Variants in TMEM132D observed in about 807,000 individuals in gnomAD.
TMEM132D encodes the protein mature OL transmembrane protein.
Under a neutral mutation model 62.3 loss-of-function variants are expected in TMEM132D, and 21 were observed. The observed-to-expected ratio is 0.34, with a 90% CI of 0.24 to 0.49. The LOEUF is 0.49. Ranked by LOEUF, TMEM132D falls within the 20% of genes least tolerant of loss-of-function variation. The pLI, the probability that TMEM132D is intolerant of heterozygous loss-of-function variation, is 0.99. For synonymous variants in TMEM132D, 621 were observed against 575.6 expected (o/e 1.08, Z -1.13); for missense variants, 1,346 against 1,402.8 (o/e 0.96, Z 0.65).
intron 2 of TMEM132D, among the ~76,000 whole-genome samples, chr12:129,638,591 T>TAA (rs375570258): frequency 0.03 from 1,320 of 44,532 alleles, 50 homozygotes; most frequent in South Asian, 0.25. Flanking sequence ...TATAAATATA[T>TAA]ATTTTTATAT....
At chr12:129,486,384 C>T (rs977800222) in intron 3 of TMEM132D, among the ~76,000 whole-genome samples, 31 of 152,120 alleles carry the variant, frequency 2.0e-4, no homozygotes, top group Admixed American at 1.6e-3. Flanking sequence ...GGCAGAGACC[C>T]GGTTATGTAC....
chr12:129,785,351 T>C (rs972834618), intron 1 of TMEM132D, among the ~76,000 whole-genome samples: 4 of 152,200 alleles, frequency 2.6e-5, no homozygotes, highest in Non-Finnish European at 5.9e-5. Flanking sequence ...GGGTTTGATG[T>C]TTGCATTTGT....
chr12:129,841,446 T>C (rs1021997530), intron 1 of TMEM132D, among the ~76,000 whole-genome samples: 7 of 152,204 alleles, frequency 4.6e-5, no homozygotes, highest in African/African-American at 1.7e-4. Context: ...AATCAACCCT[T>C]GGTCCCAGGG....
At chr12:129,640,165 C>G (rs1306624565) in intron 2 of TMEM132D, among the ~76,000 whole-genome samples, 1 of 152,136 alleles carries the variant, frequency 6.6e-6, no homozygotes, top group African/African-American at 2.4e-5. Context: ...TTCTCCTTCA[C>G]TTGCTTCAGG....
intron 1 of TMEM132D, among the ~76,000 whole-genome samples, chr12:129,737,476 T>C (rs985207800): frequency 7.2e-5 from 11 of 152,212 alleles, no homozygotes; most frequent in Non-Finnish European, 1.3e-4. Context: ...CAGGCTTGCA[T>C]TCCACTGCTG....
chr12:129,406,403 G>A (rs1566059154), intron 3 of TMEM132D, among the ~76,000 whole-genome samples: 1 of 152,148 alleles, frequency 6.6e-6, no homozygotes. Flanking sequence ...CGTGGATCAC[G>A]AGGTCAGGAG....
At position 129,832,929 on chromosome 12, in the gene TMEM132D, T is replaced by G. The variant is rs189527981; in HGVS notation, c.79+70332A>C. Among the ~76,000 whole-genome samples, 5 of 152,262 alleles carry G rather than the reference T, an allele frequency of 3.3e-5. No individual in the cohort carries two copies. The East Asian group carries it at 9.6e-4, about 29-fold the overall frequency. On this transcript the variant is annotated intron_variant, in intron 1 of 8. Transcript: ENST00000422113. ...CCTTGCTAAGAACTAGCAAACTCAT[T>G]TAACTCTTTCTCGCAATCCCCCTCT...
chr12:129,385,024 C>A (rs778894773), intron 3 of TMEM132D, among the ~76,000 whole-genome samples: 59 of 151,698 alleles, frequency 3.9e-4, no homozygotes, highest in Non-Finnish European at 6.9e-4. Context: ...AACAAAACAT[C>A]CCTGAATCCA....
At chr12:129,361,483 T>A (rs965401869) in intron 3 of TMEM132D, among the ~76,000 whole-genome samples, 2 of 152,118 alleles carry the variant, frequency 1.3e-5, no homozygotes, top group Non-Finnish European at 2.9e-5. Context: ...ATGGAGAAAC[T>A]GCAGGCAGGG....
chr12:129,217,743 G>A (rs1384737436), intron 4 of TMEM132D, among the ~76,000 whole-genome samples: 22 of 152,152 alleles, frequency 1.4e-4, no homozygotes, highest in Admixed American at 1.4e-3. Flanking sequence ...GAGGTTAGCT[G>A]TTAATAGACA....
rs151060430 is a variant in TMEM132D, at chr12:129,903,489, T to G, written c.-150A>C. On this transcript the variant is annotated 5_prime_UTR_variant, in exon 1 of 9. Coordinates refer to ENST00000422113, the MANE Select transcript of TMEM132D (RefSeq NM_133448.3). This position sits in a 1 kb window ranked among gnomAD's most constrained non-coding sequence, Gnocchi z 6.2. ...GCAGCCCGGGCGCCCTGCTCCCTCT[T>G]CCCGCCAGTCCATGGCCAGGCCGGG... The G allele has an allele frequency of 7.9e-3, 5,728 of 724,424 alleles. 141 individuals are homozygous for G. The highest frequency in any genetic ancestry group is 0.064 in the East Asian group (2,340 of 36,434). 44.9% of individuals were successfully genotyped at this position (724,424 alleles called of 1,614,324 possible). A position where few individuals can be genotyped will look rare whatever the true frequency, so the allele number is the denominator to read the frequency against.
In TMEM132D at chr12:129,127,524, G is replaced by C. The variant is rs376999741; in HGVS notation, c.1444-42822C>G. 8.5e-5 allele frequency among the ~76,000 whole-genome samples: 13 copies of C among 152,132 alleles called. No homozygotes were observed. In the South Asian group the frequency reaches 2.7e-3, roughly 32 times the overall value. On this transcript the variant is annotated intron_variant, in intron 5 of 8. Coordinates refer to ENST00000422113, the MANE Select transcript of TMEM132D (RefSeq NM_133448.3). The stretch of plus-strand genomic sequence containing the variant: ...GAAAGCAAACAAGCCCAATGCACAA[G>C]AAAATCTGCCATTTAAAAGTCAATG...
At chr12:129,635,898 C>T (rs1879463905) in intron 2 of TMEM132D, among the ~76,000 whole-genome samples, 1 of 152,190 alleles carries the variant, frequency 6.6e-6, no homozygotes, top group Non-Finnish European at 1.5e-5. Context: ...GTAGGGTATA[C>T]ATTGGTTCAG....
chr12:129,680,537 C>T (rs1261724119), intron 2 of TMEM132D, among the ~76,000 whole-genome samples: 3 of 152,140 alleles, frequency 2.0e-5, no homozygotes. Flanking sequence ...TTGATCGCAG[C>T]TGGGATTGAC....
chr12:129,357,930 AT>A (rs1280620169), intron 3 of TMEM132D, among the ~76,000 whole-genome samples: 1 of 152,146 alleles, frequency 6.6e-6, no homozygotes, highest in Non-Finnish European at 1.5e-5. Flanking sequence ...ACTCAAACAA[AT>A]TGTTTCCTCT....
intron 3 of TMEM132D, among the ~76,000 whole-genome samples, chr12:129,362,605 C>A (rs1359005218): frequency 6.6e-6 from 1 of 150,986 alleles, no homozygotes; most frequent in East Asian, 1.9e-4. Flanking sequence ...GAGTCTTTTT[C>A]TTATTTTAAA....
intron 5 of TMEM132D, among the ~76,000 whole-genome samples, chr12:129,185,790 T>A (rs1878204769): frequency 7.5e-6 from 1 of 133,248 alleles, no homozygotes; most frequent in Non-Finnish European, 1.7e-5. Context: ...TATCTATCTA[T>A]CTATCTATCT....
intron 3 of TMEM132D, among the ~76,000 whole-genome samples, chr12:129,384,532 C>T (rs1050920834): frequency 2.0e-5 from 3 of 151,046 alleles, no homozygotes; most frequent in Non-Finnish European, 4.4e-5. Flanking sequence ...TTTTTGGCTC[C>T]GCAGATTGAT....
intron 3 of TMEM132D, among the ~76,000 whole-genome samples, chr12:129,353,924 C>T (rs951348152): frequency 1.3e-5 from 2 of 152,084 alleles, no homozygotes; most frequent in African/African-American, 4.8e-5. Context: ...AGCCAATGAA[C>T]AGCTCCTTCC....
Sources: gnomAD v4.1 joint callset for allele counts (sites outside exome capture counted in the v4.1 genomes callset) on GRCh38, gnomAD v4.1.1 for gene constraint, Gnocchi (gnomAD v3.1) non-coding constraint, MANE v1.5 for transcripts, NCBI Gene and HGNC (gene_info 2026-07-23, HGNC 2026-07-21) for gene names.